NNT: variants seen among roughly 807,000 people sequenced by gnomAD.
NNT encodes NAD(P) transhydrogenase, mitochondrial.
A neutral mutation model predicts 104.8 loss-of-function variants in NNT; 50 were observed. The observed-to-expected ratio is 0.48, with a 90% confidence interval of 0.38 to 0.60. The LOEUF (loss-of-function observed/expected upper bound fraction) is 0.60. NNT is among the 20% of genes least tolerant of loss of function. The pLI, the probability that NNT is intolerant of heterozygous loss-of-function variation, is 0.00. For synonymous variants in NNT, 461 were observed against 490.4 expected, an observed-to-expected ratio of 0.94 and a Z score of 0.79; for missense variants, 1,131 against 1,330.7, an observed-to-expected ratio of 0.85 and a Z score of 2.33.
At chr5:43,668,584 G>C (rs1201866650) in intron 17 of NNT, among the ~76,000 whole-genome samples, 1 of 152,096 alleles carries the variant, frequency 6.6e-6, no homozygotes, top group Non-Finnish European at 1.5e-5. Context: ...AAGATCAGAT[G>C]GTTGTAGATG....
chr5:43,607,956 T>C (rs1441165864), intron 1 of NNT, among the ~76,000 whole-genome samples: 1 of 150,558 alleles, frequency 6.6e-6, no homozygotes, highest in Non-Finnish European at 1.5e-5. Context: ...TTTGAGACGG[T>C]GTCTCACTCT....
intron 2 of NNT, 81 bp downstream of exon 2, chr5:43,609,427 G>A (rs1749392775): frequency 2.1e-6 from 3 of 1,424,984 alleles, no homozygotes; most frequent in Non-Finnish European, 2.9e-6. Context: ...AAAAGGAAAA[G>A]CCATGTAGTT....
At chr5:43,662,948 G>A (rs960098174) in intron 17 of NNT, among the ~76,000 whole-genome samples, 1 of 151,286 alleles carries the variant, frequency 6.6e-6, no homozygotes, top group Non-Finnish European at 1.5e-5. Context: ...AGGAAATTTG[G>A]AAGAATCAGA....
intron 6 of NNT, among the ~76,000 whole-genome samples, chr5:43,626,380 A>G (rs1579994814): frequency 6.6e-6 from 1 of 152,130 alleles, no homozygotes; most frequent in Non-Finnish European, 1.5e-5. Context: ...GGATTTTGAT[A>G]TCTCAGGGGG....
intron 19 of NNT, among the ~76,000 whole-genome samples, chr5:43,680,327 G>A (rs2112125129): frequency 6.6e-6 from 1 of 152,104 alleles, no homozygotes; most frequent in African/African-American, 2.4e-5. Flanking sequence ...GGCTGCAGCA[G>A]TTACCTCATA....
rs988074791 is a variant in NNT at position 43,629,373 on chromosome 5, G to A, written c.964+986G>A. On this transcript the variant is annotated intron_variant, in intron 7 of 21. Coordinates refer to ENST00000344920, the MANE Select transcript of NNT (RefSeq NM_182977.3). ...TATGTATATGTATGTTTATCTACTC[G>A]TTGGTTGATGCGCATTTAGGCTGGT... Among the ~76,000 whole-genome samples, 6 of 152,088 alleles carry A rather than the reference G, an allele frequency of 3.9e-5. 1 individual carries two copies. Among genetic ancestry groups the A allele is most frequent in the African/African-American group, 1.4e-4 (6 of 41,402 alleles).
rs1163449760 is a variant in NNT, at chr5:43,615,831, C to T, written c.382-17C>T. 1 of 1,570,518 alleles carries T rather than the reference C, an allele frequency of 6.4e-7. No homozygotes were observed. Among genetic ancestry groups the T allele is most frequent in the South Asian group, 1.2e-5 (1 of 84,528 alleles). On this transcript the variant is annotated splice_polypyrimidine_tract_variant and intron_variant, in intron 3 of 21. Transcript: ENST00000344920. The stretch of plus-strand genomic sequence containing the variant: ...AAGTATTTATATTTATAATCTGTGA[C>T]TTGATTTTTTCCCCAGGTGCGAGCC...
rs963480981 is a variant in NNT at position 43,706,211 on chromosome 5, T to A, written c.*1807T>A. On this transcript the variant is annotated 3_prime_UTR_variant, in exon 22 of 22. Coordinates refer to ENST00000344920, the MANE Select transcript of NNT (RefSeq NM_182977.3). The stretch of plus-strand genomic sequence containing the variant: ...TTATTTTACTTTATTGGTTAGGATA[T>A]TTAAAGGATTTTTGTATATATAATT... 1.3e-5 allele frequency: 2 copies of A among 151,646 alleles called. No individual in the cohort carries two copies. Among genetic ancestry groups the A allele is most frequent in the Admixed American group, 1.3e-4 (2 of 15,250 alleles). The allele number at this position is 151,646 out of a possible 1,614,324, so 9.4% of individuals were successfully genotyped here.
In NNT at chr5:43,609,250, A is replaced by T. The variant is rs569576368; in HGVS notation, c.55A>T (p.Asn19Tyr). 5 of 1,614,048 alleles carry T rather than the reference A, an allele frequency of 3.1e-6. No homozygotes were observed. The East Asian group carries it at 1.1e-4, about 36-fold the overall frequency. ...TGGCTGCTCGTGTCCTCTACTTAGC[A>T]ATTTGGGGTCCTGTAAGGGTCTACG... ...VTGCSCPLLS[N>Y]LGSCKGLRVK... The change falls in exon 2 of 22, where the codon AAT (asparagine) becomes TAT (tyrosine). Residue 19 changes from asparagine (N) to tyrosine (Y), a missense_variant. Transcript: ENST00000344920.
At chr5:43,629,367 C>A (rs1262367368) in intron 7 of NNT, among the ~76,000 whole-genome samples, 1 of 152,088 alleles carries the variant, frequency 6.6e-6, no homozygotes, top group Non-Finnish European at 1.5e-5. Flanking sequence ...GTATGTTTAT[C>A]TACTCGTTGG....
chr5:43,609,479 C>A, intron 2 of NNT, 133 bp downstream of exon 2: 1 of 771,366 alleles, frequency 1.3e-6, no homozygotes, highest in Non-Finnish European at 2.0e-6. Context: ...AAACAAACAA[C>A]AAGTAAGTGC....
rs138710304 is a variant in NNT, at chr5:43,681,294, T to G, written c.2876+3488T>G. 3.6e-3 allele frequency among the ~76,000 whole-genome samples: 551 copies of G among 151,758 alleles called. 8 individuals are homozygous for G. The highest frequency in any genetic ancestry group is 0.013 in the African/African-American group (525 of 41,346). On this transcript the variant is annotated intron_variant, in intron 19 of 21. Transcript: ENST00000344920. ...AAAAAAAAAAAAGAAAGGGGTAGAA[T>G]TTTTTTATTATAATTACTGCTTGAT...
Position 43,636,161 on chromosome 5 carries a change from GT to G in NNT, c.964+7778del, listed in dbSNP as rs1750920422. 9.2e-5 allele frequency among the ~76,000 whole-genome samples: 14 copies of G among 152,302 alleles called. 1 individual carries two copies. The South Asian group carries it at 2.9e-3, about 32-fold the overall frequency. The stretch of plus-strand genomic sequence containing the variant: ...ATAAAAATTTCTACCTTGCAAAGTT[GT>G]TTTGAGGAATGAAGAAAAAGCCCAG... On this transcript the variant is annotated intron_variant, in intron 7 of 21. Coordinates refer to ENST00000344920, the MANE Select transcript of NNT (RefSeq NM_182977.3).
At chr5:43,652,726 CAT>C (rs1481147935) in intron 13 of NNT, among the ~76,000 whole-genome samples, 1 of 152,150 alleles carries the variant, frequency 6.6e-6, no homozygotes, top group Non-Finnish European at 1.5e-5. Context: ...ACAAATAAAA[CAT>C]GTGGCAAAGC....
In NNT at chr5:43,644,678, C is replaced by T; in HGVS notation, c.1166C>T (p.Ser389Phe). Residue 389 changes from serine (S) to phenylalanine (F), a missense_variant, in exon 9 of 22, where the codon TCC (serine) becomes TTC (phenylalanine). Physicochemically the swap from Ser to Phe is radical, Grantham distance 155. Transcript: ENST00000344920. ...GCCACTCAGGCCAGCACCCTATATTCCAACAACATCACCAAACTCCTGAAG... is the reference window on the plus strand; with the variant it reads ...GCCACTCAGGCCAGCACCCTATATTTCAACAACATCACCAAACTCCTGAAG... ...RMATQASTLY[S>F]NNITKLLKAI... 6.2e-7 allele frequency: 1 copy of T among 1,614,132 alleles called. No individual in the cohort carries two copies. The highest frequency in any genetic ancestry group is 8.5e-7 in the Non-Finnish European group (1 of 1,180,022).
rs1167304077 is a variant in NNT at position 43,609,144 on chromosome 5, G to T, written c.-52G>T. On this transcript the variant is annotated splice_region_variant and 5_prime_UTR_variant, in exon 2 of 22. Coordinates refer to ENST00000344920, the MANE Select transcript of NNT (RefSeq NM_182977.3). ...ACATCCTATTTTCTTTTTTCTTAGT[G>T]ATTTGCCTTCAAGGAAACTGGGGAG... 7 of 1,496,342 alleles carry T rather than the reference G, an allele frequency of 4.7e-6. No individual in the cohort carries two copies. In the Admixed American group the frequency reaches 5.8e-5, roughly 12 times the overall value. The allele number at this position is 1,496,342 out of a possible 1,614,324, so 92.7% of individuals were successfully genotyped here.
At chr5:43,617,962 AGAAGATTTTCTTGTCACCTAGCAG>A (rs1749874219) in intron 4 of NNT, among the ~76,000 whole-genome samples, 1 of 152,206 alleles carries the variant, frequency 6.6e-6, no homozygotes. Flanking sequence ...ATGATCAGGG[AGAAGATTTTCTTGTCACCTAGCAG>A]GGGAGTTTTA....
chr5:43,606,380 G>A (rs1376365553), intron 1 of NNT, among the ~76,000 whole-genome samples: 1 of 152,116 alleles, frequency 6.6e-6, no homozygotes, highest in African/African-American at 2.4e-5. Flanking sequence ...GATTCGGTAG[G>A]GGTTTTGAAT....
rs1198411949 is a variant in NNT at position 43,705,533 on chromosome 5, C to G, written c.*1129C>G. The G allele has an allele frequency of 2.0e-5, 3 of 151,922 alleles. No individual in the cohort carries two copies. The highest frequency in any genetic ancestry group is 4.4e-5 in the Non-Finnish European group (3 of 67,954). The allele number at this position is 151,922 out of a possible 1,614,324, so 9.4% of individuals were successfully genotyped here. ...TGTGACTTTGCTATCGTGCCTAAAG[C>G]TCTAAATATAGGTGAATGTGTGATG... On this transcript the variant is annotated 3_prime_UTR_variant, in exon 22 of 22. Transcript: ENST00000344920.
Sources: allele counts gnomAD v4.1 joint callset (sites outside exome capture counted in the v4.1 genomes callset), GRCh38; gene constraint gnomAD v4.1.1; transcripts MANE v1.5; gene names NCBI Gene and HGNC (gene_info 2026-07-23, HGNC 2026-07-21).